SLC44A1: variants seen among roughly 807,000 people sequenced by gnomAD.
SLC44A1 encodes the protein choline transporter-like protein 1.
SLC44A1 carries 26 observed loss-of-function variants against 79.3 expected under a neutral mutation model. The observed-to-expected ratio is 0.33, with a 90% confidence interval of 0.24 to 0.46. SLC44A1 has a LOEUF of 0.46. Among genes scored for constraint, SLC44A1 ranks in the 20% least tolerant of loss-of-function variants. The probability of loss-of-function intolerance (pLI) is 1.00; values close to 1 mark genes in which losing one functional copy is unlikely to be tolerated. For synonymous variants in SLC44A1, 263 were observed against 286.2 expected (o/e 0.92, Z 0.82); for missense variants, 688 against 798.1 (o/e 0.86, Z 1.66).
rs139538349 is a variant in SLC44A1, at chr9:105,422,071, T to C, written c.1951-16210T>C. ...CAGCGTTAGGTTGGACTCTCCTACC[T>C]GAGTGATGACAATAAGGAAGTCCAC... On this transcript the variant is annotated intron_variant, in intron 15 of 15. Coordinates refer to the SLC44A1 transcript ENST00000374724. Among the ~76,000 whole-genome samples, 507 of 152,326 alleles carry C rather than the reference T, an allele frequency of 3.3e-3. 1 individual carries two copies. Among genetic ancestry groups the C allele is most frequent in the Non-Finnish European group, 4.0e-3 (271 of 68,024 alleles).
intron 2 of SLC44A1, among the ~76,000 whole-genome samples, chr9:105,308,557 G>C (rs1346923779): frequency 2.6e-5 from 4 of 152,152 alleles, no homozygotes; most frequent in Non-Finnish European, 5.9e-5. Context: ...AAAGTACAGG[G>C]CTTATTTAGA....
intron 1 of SLC44A1, among the ~76,000 whole-genome samples, chr9:105,262,292 T>G (rs1829860082): frequency 6.6e-6 from 1 of 152,214 alleles, no homozygotes; most frequent in Admixed American, 6.5e-5. Context: ...ATAAAGTTAT[T>G]GTGTCTGTAG....
intron 1 of SLC44A1, among the ~76,000 whole-genome samples, chr9:105,289,428 C>A (rs1016081856): frequency 2.6e-5 from 4 of 152,170 alleles, no homozygotes; most frequent in African/African-American, 9.7e-5. Context: ...AAAAAATAGA[C>A]ACATTACACT....
intron 1 of SLC44A1, among the ~76,000 whole-genome samples, chr9:105,286,963 T>C (rs946451760): frequency 2.6e-5 from 4 of 152,052 alleles, no homozygotes; most frequent in Non-Finnish European, 4.4e-5. Flanking sequence ...GATTCTCTCT[T>C]TAAAAAATAA....
In SLC44A1 at chr9:105,316,271, T is replaced by C. The variant is rs185981514; in HGVS notation, c.269+6405T>C. On this transcript the variant is annotated intron_variant, in intron 3 of 15. Transcript: ENST00000374720. ...ATGAGAGGTTATAATGGGAAGGCCA[T>C]GAGAAAGGTTACAATGGGAGGTCCT... Among the ~76,000 whole-genome samples, 359 of 152,162 alleles carry C rather than the reference T, an allele frequency of 2.4e-3. 3 individuals are homozygous for C. Among genetic ancestry groups the C allele is most frequent in the African/African-American group, 8.0e-3 (334 of 41,520 alleles).
intron 3 of SLC44A1, among the ~76,000 whole-genome samples, chr9:105,333,198 C>T (rs1826806759): frequency 6.6e-6 from 1 of 152,170 alleles, no homozygotes; most frequent in Admixed American, 6.5e-5. Flanking sequence ...AAGAGGTTGT[C>T]ATTGATCCAG....
rs1040473908 is a variant in SLC44A1, at chr9:105,394,104, T to G, written c.*5048T>G. On this transcript the variant is annotated 3_prime_UTR_variant, in exon 16 of 16. Transcript: ENST00000374720. Reference sequence around the variant, plus strand: ...GAACACTCAAAATGCTCATAGAATTTCAGGGCCCTCAGACGGCCAGCTTCC... The same window carrying G: ...GAACACTCAAAATGCTCATAGAATTGCAGGGCCCTCAGACGGCCAGCTTCC... 3.0e-5 allele frequency: 30 copies of G among 985,302 alleles called. No homozygotes were observed. Among genetic ancestry groups the G allele is most frequent in the Non-Finnish European group, 3.5e-5 (29 of 829,940 alleles). The allele number at this position is 985,302 out of a possible 1,614,324, so 61.0% of individuals were successfully genotyped here.
At chr9:105,334,815 G>C (rs1588794675) in intron 3 of SLC44A1, among the ~76,000 whole-genome samples, 1 of 152,092 alleles carries the variant, frequency 6.6e-6, no homozygotes, top group South Asian at 2.1e-4. Flanking sequence ...CAAGTATACA[G>C]GATGTAAAGG....
intron 10 of SLC44A1, 73 bp downstream of exon 10, chr9:105,364,793 A>C: frequency 4.2e-6 from 5 of 1,189,724 alleles, no homozygotes; most frequent in South Asian, 2.9e-5. Flanking sequence ...GGGGAAGGGA[A>C]TCAGACTGGG....
chr9:105,381,560 G>A (rs1828466363), intron 13 of SLC44A1, among the ~76,000 whole-genome samples: 1 of 148,018 alleles, frequency 6.8e-6, no homozygotes, highest in African/African-American at 2.5e-5. Context: ...AAAAAAAAAA[G>A]AAGAAAAAGA....
chr9:105,257,105 GT>G (rs1159456675), intron 1 of SLC44A1, among the ~76,000 whole-genome samples: 1 of 149,978 alleles, frequency 6.7e-6, no homozygotes, highest in Non-Finnish European at 1.5e-5. Flanking sequence ...TTTTGTTTTT[GT>G]TTTCTTTGAG....
At position 105,390,527 on chromosome 9, in the gene SLC44A1, G is replaced by A; in HGVS notation, c.*1471G>A. ...TTGCCTCCTACCAGAACTAGACAGT[G>A]AATTAGATCGGTATTATGGAAATGC... On this transcript the variant is annotated 3_prime_UTR_variant, in exon 16 of 16. Coordinates refer to ENST00000374720, the MANE Select transcript of SLC44A1 (RefSeq NM_080546.5). 5.1e-6 allele frequency: 5 copies of A among 984,286 alleles called. No individual in the cohort carries two copies. Among genetic ancestry groups the A allele is most frequent in the Non-Finnish European group, 6.0e-6 (5 of 829,746 alleles). The allele number at this position is 984,286 out of a possible 1,614,324, so 61.0% of individuals were successfully genotyped here.
At chr9:105,339,431 G>A in intron 4 of SLC44A1, among the ~76,000 whole-genome samples, 1 of 152,132 alleles carries the variant, frequency 6.6e-6, no homozygotes, top group Non-Finnish European at 1.5e-5. Context: ...TTCAAAATAG[G>A]ATCTTAAAGA....
chr9:105,283,551 C>T (rs1446400746), intron 1 of SLC44A1, among the ~76,000 whole-genome samples: 1 of 152,136 alleles, frequency 6.6e-6, no homozygotes, highest in Non-Finnish European at 1.5e-5. Flanking sequence ...ATAAGACACA[C>T]CTATCAACCC....
chr9:105,438,130 C>CTGTGTGTGTGTGTGTGTGTGTGTGTGTG (rs147203232), intron 15 of SLC44A1: 2 of 404,072 alleles, frequency 4.9e-6, no homozygotes, highest in Admixed American at 4.0e-5. Flanking sequence ...ATTTGTTAAT[C>CTGTGTGTGTGTGTGTGTGTGTGTGTGTG]TGTGTGTGTG....
At chr9:105,420,621 G>A (rs375262685) in intron 15 of SLC44A1, among the ~76,000 whole-genome samples, 6 of 151,948 alleles carry the variant, frequency 3.9e-5, no homozygotes, top group Admixed American at 3.3e-4. Context: ...CAGCACTTTC[G>A]GAGGCTGAAA....
In SLC44A1 at chr9:105,423,208, G is replaced by A. The variant is rs112911845; in HGVS notation, c.1951-15073G>A. Among the ~76,000 whole-genome samples, 1,424 of 152,126 alleles carry A rather than the reference G, an allele frequency of 9.4e-3. 22 individuals carry two copies. Among genetic ancestry groups the A allele is most frequent in the African/African-American group, 0.033 (1,354 of 41,504 alleles). On this transcript the variant is annotated intron_variant, in intron 15 of 15. Transcript: ENST00000374724. ...GTAATCTCAACACTTTGGGAGGCCA[G>A]GGTGGGCGGATCACCTGAGGTCGGG...
chr9:105,427,052 C>G (rs1030011884), intron 15 of SLC44A1, among the ~76,000 whole-genome samples: 6 of 152,026 alleles, frequency 3.9e-5, no homozygotes, highest in African/African-American at 1.5e-4. Flanking sequence ...TCTCCCATCT[C>G]AGCCTCTGGA....
downstream of SLC44A1, among the ~76,000 whole-genome samples, chr9:105,398,800 G>A (rs1013763133): frequency 6.6e-6 from 1 of 152,190 alleles, no homozygotes; most frequent in African/African-American, 2.4e-5. Context: ...ATCAGATGCT[G>A]TGGAACTAAC....
Sources: gnomAD v4.1 joint callset for allele counts (sites outside exome capture counted in the v4.1 genomes callset) on GRCh38, gnomAD v4.1.1 for gene constraint, MANE v1.5 for transcripts, NCBI Gene and HGNC (gene_info 2026-07-23, HGNC 2026-07-21) for gene names.